Variants in EPS8 observed in about 807,000 individuals in gnomAD.
EPS8 encodes EGFR pathway substrate 8, signaling adaptor.
Under a neutral mutation model 103.8 loss-of-function variants are expected in EPS8, and 42 were observed. The observed-to-expected ratio is 0.40, with a 90% CI of 0.32 to 0.52. The LOEUF (loss-of-function observed/expected upper bound fraction) is 0.52. Ranked by LOEUF, EPS8 falls within the 20% of genes least tolerant of loss-of-function variation. EPS8 has a pLI of 0.40. For missense variants in EPS8, 969 were observed against 1,005.1 expected, an observed-to-expected ratio of 0.96 and a Z score of 0.49; for synonymous variants, 344 against 344.6, an observed-to-expected ratio of 1.00 and a Z score of 0.02.
Position 15,704,508 on chromosome 12 carries a change from T to G in EPS8, c.-21-21536A>C, listed in dbSNP as rs1394626980. On this transcript the variant is annotated intron_variant, in intron 1 of 20. Transcript: ENST00000281172. This position sits in a 1 kb window ranked among gnomAD's most constrained non-coding sequence, Gnocchi z 4.6. ...CAAATACTCTATGATTCTCCTTAAA[T>G]GAAGAACTTGGAATAGTCAAATTCA... Among the ~76,000 whole-genome samples the G allele has an allele frequency of 6.6e-6, 1 of 152,150 alleles. No homozygotes were observed. The highest frequency in any genetic ancestry group is 1.5e-5 in the Non-Finnish European group (1 of 68,010).
chr12:15,730,517 A>G (rs1229928476), intron 1 of EPS8, among the ~76,000 whole-genome samples: 1 of 152,216 alleles, frequency 6.6e-6, no homozygotes, highest in Non-Finnish European at 1.5e-5. Context: ...ATTCAACAAG[A>G]TACACTAGAA....
chr12:15,623,313 A>G, intron 19 of EPS8, 26 bp from the exon 20 acceptor site: 2 of 1,568,580 alleles, frequency 1.3e-6, no homozygotes, highest in Non-Finnish European at 8.6e-7. Flanking sequence ...GGAAAAAGAA[A>G]CTGAGCATTA....
At chr12:15,681,014 T>C (rs779519845) in intron 3 of EPS8, among the ~76,000 whole-genome samples, 1 of 152,076 alleles carries the variant, frequency 6.6e-6, no homozygotes, top group Non-Finnish European at 1.5e-5. Context: ...TGCAATACAT[T>C]TCATCTGTAG....
rs1004582495 is a variant in EPS8, at chr12:15,757,636, AAAAAAG to A, written c.-22+31519_-22+31524del. 6.6e-5 allele frequency among the ~76,000 whole-genome samples: 10 copies of A among 152,178 alleles called. No individual in the cohort carries two copies. The highest frequency in any genetic ancestry group is 2.4e-4 in the African/African-American group (10 of 41,538). On this transcript the variant is annotated intron_variant, in intron 1 of 20. Coordinates refer to ENST00000281172, the MANE Select transcript of EPS8 (RefSeq NM_004447.6). This position sits in a 1 kb window ranked among gnomAD's most constrained non-coding sequence, Gnocchi z 4.1. ...AGAGCGAGACTCCGTCTGAAGAAAA[AAAAAAG>A]AAAAAGAAAAAGAAAAAGATGAAGT...
rs1459916803 is a variant in EPS8, at chr12:15,752,370, C to G, written c.-22+36791G>C. Among the ~76,000 whole-genome samples the G allele has an allele frequency of 6.6e-6, 1 of 152,026 alleles. No individual in the cohort carries two copies. Among genetic ancestry groups the G allele is most frequent in the African/African-American group, 2.4e-5 (1 of 41,362 alleles). On this transcript the variant is annotated intron_variant, in intron 1 of 20. Transcript: ENST00000281172. This position sits in a 1 kb window ranked among gnomAD's most constrained non-coding sequence, Gnocchi z 4.4. ...GCTAAGGCAGGAGAATGGCGTGAACCCGCGAGGCGGAGCTTGCAGTGAGCT... is the reference window on the plus strand; with the variant it reads ...GCTAAGGCAGGAGAATGGCGTGAACGCGCGAGGCGGAGCTTGCAGTGAGCT...
At position 15,757,544 on chromosome 12, in the gene EPS8, C is replaced by T. The variant is rs1041826088; in HGVS notation, c.-22+31617G>A. Among the ~76,000 whole-genome samples, 4 of 151,972 alleles carry T rather than the reference C, an allele frequency of 2.6e-5. No homozygotes were observed. Among genetic ancestry groups the T allele is most frequent in the Non-Finnish European group, 1.5e-5 (1 of 67,988 alleles). On this transcript the variant is annotated intron_variant, in intron 1 of 20. Transcript: ENST00000281172. This position sits in a 1 kb window ranked among gnomAD's most constrained non-coding sequence, Gnocchi z 4.1. ...GCTCAGGAGGCTGAGGCAGGAGAATCGCTTGAACCCAGGAGCCAGAAGTTG... is the reference window on the plus strand; with the variant it reads ...GCTCAGGAGGCTGAGGCAGGAGAATTGCTTGAACCCAGGAGCCAGAAGTTG...
chr12:15,736,053 T>C lies in EPS8; in HGVS notation c.-21-53081A>G, dbSNP rs1946764014. On this transcript the variant is annotated intron_variant, in intron 1 of 20. Coordinates refer to ENST00000281172, the MANE Select transcript of EPS8 (RefSeq NM_004447.6). This position sits in a 1 kb window ranked among gnomAD's most constrained non-coding sequence, Gnocchi z 4.2. ...GGTGCGTACCACCATACCCAGCTAA[T>C]TTTTAAATTCTTTTGTAGAGATAAG... 6.6e-6 allele frequency among the ~76,000 whole-genome samples: 1 copy of C among 152,112 alleles called. No homozygotes were observed. Among genetic ancestry groups the C allele is most frequent in the Admixed American group, 6.5e-5 (1 of 15,272 alleles).
At chr12:15,694,867 T>A (rs1946222237) in intron 1 of EPS8, among the ~76,000 whole-genome samples, 1 of 152,192 alleles carries the variant, frequency 6.6e-6, no homozygotes. Context: ...TTGAAAATTG[T>A]GAAATTATAA....
rs1439383035 is a variant in EPS8, at chr12:15,751,098, T to C, written c.-22+38063A>G. Among the ~76,000 whole-genome samples the C allele has an allele frequency of 6.6e-6, 1 of 152,142 alleles. No individual in the cohort carries two copies. Among genetic ancestry groups the C allele is most frequent in the Non-Finnish European group, 1.5e-5 (1 of 68,018 alleles). ...ATCACCAGGCTTGGTGGCACATGCC[T>C]GTAAATCCCAGCTCTTTGGGAGGAC... On this transcript the variant is annotated intron_variant, in intron 1 of 20. Transcript: ENST00000281172. The surrounding 1 kb of genome is among the most constrained non-coding windows in gnomAD (Gnocchi z 4.3).
chr12:15,652,966 A>T (rs1017344738), intron 13 of EPS8, among the ~76,000 whole-genome samples: 1 of 152,262 alleles, frequency 6.6e-6, no homozygotes, highest in African/African-American at 2.4e-5. Context: ...AAAGATTTAG[A>T]TAAATAAGCA....
chr12:15,635,390 C>A (rs1161093919), intron 17 of EPS8, among the ~76,000 whole-genome samples: 1 of 152,076 alleles, frequency 6.6e-6, no homozygotes, highest in Non-Finnish European at 1.5e-5. Context: ...TGTCTAAAAA[C>A]CATGCCTATA....
chr12:15,651,226 A>G (rs1371045188), intron 13 of EPS8, among the ~76,000 whole-genome samples: 1 of 152,226 alleles, frequency 6.6e-6, no homozygotes, highest in Non-Finnish European at 1.5e-5. Context: ...GAAAGATTGA[A>G]TTCTGTTGCA....
At chr12:15,674,540 C>T (rs1032595436) in intron 3 of EPS8, among the ~76,000 whole-genome samples, 6 of 152,124 alleles carry the variant, frequency 3.9e-5, no homozygotes, top group Non-Finnish European at 8.8e-5. Flanking sequence ...ACAATCACAG[C>T]TTGACAAATG....
chr12:15,739,522 G>A (rs536225867), intron 1 of EPS8, among the ~76,000 whole-genome samples: 30 of 152,206 alleles, frequency 2.0e-4, no homozygotes, highest in African/African-American at 6.7e-4. Context: ...TGGAGGAAGG[G>A]TGAATTTCTT....
chr12:15,723,317 AT>A (rs1373548104), intron 1 of EPS8, among the ~76,000 whole-genome samples: 2 of 152,056 alleles, frequency 1.3e-5, no homozygotes, highest in Admixed American at 1.3e-4. Flanking sequence ...TCTCAAAAAA[AT>A]ATATATATAT....
At chr12:15,637,876 CG>C (rs1441427764) in intron 17 of EPS8, among the ~76,000 whole-genome samples, 2 of 152,074 alleles carry the variant, frequency 1.3e-5, no homozygotes, top group Admixed American at 6.6e-5. Context: ...TGCAGGCTTT[CG>C]GGAAGGATCT....
chr12:15,625,909 G>A (rs1171639499), intron 18 of EPS8, among the ~76,000 whole-genome samples: 2 of 152,100 alleles, frequency 1.3e-5, no homozygotes, highest in Admixed American at 6.5e-5. Flanking sequence ...CCTCTTACTC[G>A]GAACTTGGGT....
chr12:15,750,864 GA>G (rs1432652616), intron 1 of EPS8, among the ~76,000 whole-genome samples: 1 of 152,122 alleles, frequency 6.6e-6, no homozygotes, highest in East Asian at 1.9e-4. Flanking sequence ...AACTCAAAAA[GA>G]AGCATCTTAT....
chr12:15,662,317 C>G, intron 8 of EPS8: 1 of 1,296,230 alleles, frequency 7.7e-7, no homozygotes, highest in Non-Finnish European at 9.8e-7. Context: ...GTCCTCTCAA[C>G]TTTATGATGT....
Sources: allele counts gnomAD v4.1 joint callset (sites outside exome capture counted in the v4.1 genomes callset), GRCh38; gene constraint gnomAD v4.1.1; non-coding constraint Gnocchi (gnomAD v3.1); transcripts MANE v1.5; gene names NCBI Gene and HGNC (gene_info 2026-07-23, HGNC 2026-07-21).